CR1L: variants seen among roughly 807,000 people sequenced by gnomAD.
The protein encoded by CR1L is complement C3b/C4b receptor 1 like.
In CR1L, 59 loss-of-function variants were observed where a neutral mutation model predicts 62.3. The ratio of observed to expected loss-of-function variants is 0.95; its 90% CI spans 0.77 to 1.18. The LOEUF (loss-of-function observed/expected upper bound fraction) is 1.18, where lower values mean the gene tolerates loss of function less well. CR1L is among the 50% of genes most tolerant of loss of function. The probability of loss-of-function intolerance (pLI) is 0.00; values close to 1 mark genes in which losing one functional copy is unlikely to be tolerated. For missense variants in CR1L, 700 were observed against 702.8 expected, an observed-to-expected ratio of 1.00 and a Z score of 0.04; for synonymous variants, 279 against 248.7, an observed-to-expected ratio of 1.12 and a Z score of -1.15.
chr1:207,656,988 C>T (rs1173149224), intron 1 of CR1L: 24 of 501,462 alleles, frequency 4.8e-5, no homozygotes, highest in South Asian at 8.9e-5. Flanking sequence ...TCATAGAAAC[C>T]TTCTTTTAAA....
At chr1:207,699,168 C>T in intron 7 of CR1L, 21 bp from the exon 8 acceptor site, 1 of 1,613,328 alleles carries the variant, frequency 6.2e-7, no homozygotes, top group African/African-American at 1.3e-5. Context: ...GCTCGCTATT[C>T]ACTCCTATTT....
chr1:207,690,586 G>C (rs1445732078), intron 4 of CR1L, among the ~76,000 whole-genome samples: 1 of 152,198 alleles, frequency 6.6e-6, no homozygotes, highest in African/African-American at 2.4e-5. Flanking sequence ...CAGTTATGGA[G>C]AAGCATGTGT....
intron 10 of CR1L, among the ~76,000 whole-genome samples, chr1:207,717,210 AT>A (rs1221196621): frequency 6.6e-6 from 1 of 152,156 alleles, no homozygotes; most frequent in Non-Finnish European, 1.5e-5. Flanking sequence ...TACTTTCCAA[AT>A]TCATTATGAA....
At chr1:207,663,367 C>T (rs1172912157) in intron 1 of CR1L, among the ~76,000 whole-genome samples, 2 of 152,242 alleles carry the variant, frequency 1.3e-5, no homozygotes, top group Non-Finnish European at 2.9e-5. Context: ...CCCAGCCTCA[C>T]TGCTGCCTTG....
intron 1 of CR1L, among the ~76,000 whole-genome samples, chr1:207,670,617 A>G (rs1287763588): frequency 6.6e-6 from 1 of 150,938 alleles, no homozygotes; most frequent in Non-Finnish European, 1.5e-5. Context: ...CTCTGCCACT[A>G]GACGTTTTGC....
At chr1:207,694,233 T>C in intron 4 of CR1L, 120 bp from the exon 5 acceptor site, 2 of 1,241,140 alleles carry the variant, frequency 1.6e-6, no homozygotes, top group Admixed American at 2.5e-5. Flanking sequence ...TTTGTAAAAA[T>C]GTACCTACGT....
At chr1:207,709,047 A>G in intron 10 of CR1L, 4 of 274,674 alleles carry the variant, frequency 1.5e-5, no homozygotes, top group Non-Finnish European at 7.1e-6. Context: ...GTAATATTGT[A>G]TATTTGTGTT....
At chr1:207,695,446 A>T (rs913289392) in intron 5 of CR1L, among the ~76,000 whole-genome samples, 2 of 152,148 alleles carry the variant, frequency 1.3e-5, no homozygotes, top group Non-Finnish European at 2.9e-5. Flanking sequence ...TTTTGCAGAG[A>T]AAATGTGCCT....
chr1:207,709,479 G>C (rs895258206), intron 10 of CR1L, among the ~76,000 whole-genome samples: 2 of 152,136 alleles, frequency 1.3e-5, no homozygotes, highest in South Asian at 2.1e-4. Context: ...TCTATATAGA[G>C]AGAACTAAAT....
intron 1 of CR1L, among the ~76,000 whole-genome samples, chr1:207,660,011 C>T (rs1038228930): frequency 6.6e-5 from 10 of 152,200 alleles, no homozygotes; most frequent in Admixed American, 2.6e-4. Context: ...GTAAACAAAG[C>T]GCCAGGGAAG....
intron 1 of CR1L, among the ~76,000 whole-genome samples, chr1:207,658,190 A>G (rs1179502612): frequency 2.0e-5 from 3 of 152,206 alleles, no homozygotes; most frequent in African/African-American, 7.2e-5. Context: ...AAAAGCCTCA[A>G]ATCAATGATT....
intron 3 of CR1L, among the ~76,000 whole-genome samples, chr1:207,680,129 G>A (rs1333991342): frequency 3.9e-5 from 6 of 152,184 alleles, no homozygotes; most frequent in African/African-American, 7.2e-5. Flanking sequence ...ATGTGTCAGC[G>A]TAGGTTCATC....
intron 3 of CR1L, among the ~76,000 whole-genome samples, chr1:207,678,851 C>T (rs1222540122): frequency 6.6e-6 from 1 of 152,180 alleles, no homozygotes; most frequent in Non-Finnish European, 1.5e-5. Context: ...TTCTTTGCTT[C>T]TTCCAGTTTC....
In CR1L at chr1:207,675,062, A is replaced by G. The variant is rs549471970; in HGVS notation, c.98-2327A>G. On this transcript the variant is annotated intron_variant, in intron 1 of 11. Transcript: ENST00000508064. The stretch of plus-strand genomic sequence containing the variant: ...TATTTGATCATTGCAACAAATATGC[A>G]TTGAGTGCTTATAACTGAGTGTTAA... Among the ~76,000 whole-genome samples the G allele has an allele frequency of 5.3e-5, 8 of 152,326 alleles. No individual in the cohort carries two copies. In the East Asian group the frequency reaches 1.3e-3, roughly 26 times the overall value.
intron 4 of CR1L, among the ~76,000 whole-genome samples, chr1:207,684,347 G>C (rs1663861518): frequency 6.6e-6 from 1 of 152,156 alleles, no homozygotes; most frequent in Non-Finnish European, 1.5e-5. Context: ...TGTACCACGA[G>C]ATCAACACAT....
In CR1L at chr1:207,710,557, A is replaced by C. The variant is rs1664339247; in HGVS notation, c.1414+2294A>C. 1.9e-6 allele frequency: 3 copies of C among 1,609,592 alleles called. No homozygotes were observed. In the African/African-American group the frequency reaches 4.0e-5, roughly 22 times the overall value. ...TATACTGCACCAGCAAAGATGATCA[A>C]GTGGTCGTCTGGAGCGGCCCAGTCC... On this transcript the variant is annotated intron_variant, in intron 10 of 11. Coordinates refer to ENST00000508064, the MANE Select transcript of CR1L (RefSeq NM_175710.2).
At chr1:207,701,419 T>G in intron 8 of CR1L, 100 bp from the exon 9 acceptor site, 1 of 1,451,476 alleles carries the variant, frequency 6.9e-7, no homozygotes, top group South Asian at 1.2e-5. Context: ...CTATCAGAAC[T>G]GCGTGTTTTC....
chr1:207,655,936 G>A (rs1203418342), intron 1 of CR1L, among the ~76,000 whole-genome samples: 2 of 151,802 alleles, frequency 1.3e-5, no homozygotes, highest in Non-Finnish European at 2.9e-5. Context: ...GTAGACTTTG[G>A]AAAATATCAC....
At chr1:207,667,347 G>A (rs1218474293) in intron 1 of CR1L, among the ~76,000 whole-genome samples, 1 of 152,222 alleles carries the variant, frequency 6.6e-6, no homozygotes, top group African/African-American at 2.4e-5. Context: ...GAAAGCTCCA[G>A]TGGAGAACCT....
Sources: allele counts gnomAD v4.1 joint callset (sites outside exome capture counted in the v4.1 genomes callset), GRCh38; gene constraint gnomAD v4.1.1; transcripts MANE v1.5; gene names NCBI Gene and HGNC (gene_info 2026-07-23, HGNC 2026-07-21).